NLGN1: variants seen among roughly 807,000 people sequenced by gnomAD.
NLGN1 encodes neuroligin 1.
Under a neutral mutation model 65.5 loss-of-function variants are expected in NLGN1, and 12 were observed. The observed-to-expected ratio is 0.18, with a 90% CI of 0.12 to 0.30. The LOEUF is 0.30. NLGN1 is among the 10% of genes least tolerant of loss of function. NLGN1 has a pLI of 1.00. For synonymous variants in NLGN1, 350 were observed against 359.5 expected, an observed-to-expected ratio of 0.97 and a Z score of 0.30; for missense variants, 750 against 1,007.1, an observed-to-expected ratio of 0.74 and a Z score of 3.46.
At chr3:173,866,659 G>A (rs1425968935) in intron 4 of NLGN1, among the ~76,000 whole-genome samples, 1 of 152,120 alleles carries the variant, frequency 6.6e-6, no homozygotes, top group African/African-American at 2.4e-5. Flanking sequence ...CAATTGATTT[G>A]TTGGTTTTAT....
chr3:174,028,350 A>G (rs1201966583), intron 4 of NLGN1, among the ~76,000 whole-genome samples: 2 of 152,216 alleles, frequency 1.3e-5, no homozygotes, highest in African/African-American at 4.8e-5. Context: ...GCAGATAGTG[A>G]TATGGACAAT....
At chr3:173,404,383 T>C (rs976061282) in intron 1 of NLGN1, among the ~76,000 whole-genome samples, 45 of 152,152 alleles carry the variant, frequency 3.0e-4, no homozygotes, top group African/African-American at 1.1e-3. Context: ...CATCATTCCA[T>C]TGACAATGCT....
chr3:174,031,330 C>T (rs1407785735), intron 4 of NLGN1, among the ~76,000 whole-genome samples: 2 of 152,188 alleles, frequency 1.3e-5, no homozygotes, highest in African/African-American at 4.8e-5. Flanking sequence ...AGGTTCTTCA[C>T]TGAAATGGCC....
intron 3 of NLGN1, among the ~76,000 whole-genome samples, chr3:173,735,402 A>C (rs535909735): frequency 6.6e-6 from 1 of 152,288 alleles, no homozygotes; most frequent in Non-Finnish European, 1.5e-5. Context: ...AGAGAAGAGC[A>C]ATGTAAAATA....
At chr3:173,460,901 C>T (rs75851075) in intron 2 of NLGN1, among the ~76,000 whole-genome samples, 2,352 of 152,186 alleles carry the variant, frequency 0.015, 73 homozygotes, top group African/African-American at 0.054. Flanking sequence ...AATGCTCTCT[C>T]GCCAGCCCTA....
At chr3:173,917,083 C>G (rs2152246351) in intron 4 of NLGN1, among the ~76,000 whole-genome samples, 1 of 152,230 alleles carries the variant, frequency 6.6e-6, no homozygotes, top group South Asian at 2.1e-4. Context: ...CTACTTCTAG[C>G]AAGAAAATCT....
chr3:173,862,804 T>G (rs1246976107), intron 4 of NLGN1, among the ~76,000 whole-genome samples: 1 of 152,174 alleles, frequency 6.6e-6, no homozygotes, highest in Non-Finnish European at 1.5e-5. Flanking sequence ...TGGCAAGATA[T>G]CTTACTTAAT....
At chr3:173,667,904 T>C (rs1761936600) in intron 3 of NLGN1, among the ~76,000 whole-genome samples, 1 of 152,166 alleles carries the variant, frequency 6.6e-6, no homozygotes, top group Non-Finnish European at 1.5e-5. Context: ...GTGCTGGGAT[T>C]ACAAGCGTGA....
chr3:174,148,963 A>C (rs1723843353), intron 4 of NLGN1, among the ~76,000 whole-genome samples: 1 of 152,070 alleles, frequency 6.6e-6, no homozygotes, highest in South Asian at 2.1e-4. Flanking sequence ...AATAGGACAC[A>C]TTTTTTTCTT....
At chr3:173,830,012 G>T (rs553741823) in intron 4 of NLGN1, among the ~76,000 whole-genome samples, 9 of 141,750 alleles carry the variant, frequency 6.3e-5, no homozygotes, top group East Asian at 2.3e-4. Context: ...TAGTGTGGGG[G>T]GGGGAGGGAG....
intron 2 of NLGN1, among the ~76,000 whole-genome samples, chr3:173,542,333 G>A (rs913866861): frequency 5.3e-5 from 8 of 151,766 alleles, no homozygotes; most frequent in African/African-American, 1.7e-4. Flanking sequence ...GTTTTATTCT[G>A]TTCTTTAAAG....
At chr3:173,856,675 A>G (rs1039616493) in intron 4 of NLGN1, among the ~76,000 whole-genome samples, 2 of 152,142 alleles carry the variant, frequency 1.3e-5, no homozygotes, top group Non-Finnish European at 2.9e-5. Context: ...GATCTTTCCT[A>G]GGGTCTGTGT....
intron 4 of NLGN1, among the ~76,000 whole-genome samples, chr3:174,111,575 T>C (rs1313516712): frequency 6.6e-6 from 1 of 151,934 alleles, no homozygotes; most frequent in African/African-American, 2.4e-5. Context: ...CCTGTTACAT[T>C]TGGTAAAGTT....
chr3:173,748,882 A>G (rs1291125550), intron 3 of NLGN1, among the ~76,000 whole-genome samples: 1 of 152,104 alleles, frequency 6.6e-6, no homozygotes, highest in Non-Finnish European at 1.5e-5. Flanking sequence ...TGATTGAAAT[A>G]ATAAGGTGGC....
chr3:173,834,086 A>T (rs1187264902), intron 4 of NLGN1, among the ~76,000 whole-genome samples: 1 of 152,174 alleles, frequency 6.6e-6, no homozygotes, highest in Non-Finnish European at 1.5e-5. Flanking sequence ...TCTCAACACC[A>T]TGTTTTTCTT....
At chr3:173,986,400 C>A (rs560983683) in intron 4 of NLGN1, among the ~76,000 whole-genome samples, 8 of 151,714 alleles carry the variant, frequency 5.3e-5, no homozygotes, top group African/African-American at 1.9e-4. Context: ...ACCCAGGAGG[C>A]AGAGGTTGCA....
In NLGN1 at chr3:173,740,535, C is replaced by T. The variant is rs188241659; in HGVS notation, c.494-67145C>T. Among the ~76,000 whole-genome samples, 58 of 152,128 alleles carry T rather than the reference C, an allele frequency of 3.8e-4. 1 individual carries two copies. Among genetic ancestry groups the T allele is most frequent in the Middle Eastern group, 6.8e-3 (2 of 294 alleles). ...GCCAAAGTTCTCCCTCATGCCCTCC[C>T]ATACCCCTGTTCCAAAGAAGTACTG... On this transcript the variant is annotated intron_variant, in intron 3 of 6. Transcript: ENST00000457714.
In NLGN1 at chr3:173,828,948, A is replaced by G. The variant is rs144476803; in HGVS notation, c.646+21116A>G. ...TGCTTTTTGGGGGGGATTAATTTGG[A>G]AAGGCACTGAAGAACTTTAAGCAAT... On this transcript the variant is annotated intron_variant, in intron 4 of 6. Coordinates refer to ENST00000457714, the Ensembl canonical transcript of NLGN1. Among the ~76,000 whole-genome samples the G allele has an allele frequency of 2.0e-5, 3 of 152,064 alleles. No homozygotes were observed. In the East Asian group the frequency reaches 5.8e-4, roughly 29 times the overall value.
At chr3:173,753,707 C>T (rs529919667) in intron 3 of NLGN1, among the ~76,000 whole-genome samples, 244 of 152,018 alleles carry the variant, frequency 1.6e-3, no homozygotes, top group Admixed American at 3.7e-3. Context: ...TCCAGTCACT[C>T]TGTGTTCATC....
Sources: allele counts gnomAD v4.1 joint callset (sites outside exome capture counted in the v4.1 genomes callset), GRCh38; gene constraint gnomAD v4.1.1; transcripts MANE v1.5; gene names NCBI Gene and HGNC (gene_info 2026-07-23, HGNC 2026-07-21).